The following ARFGEF2 variants were observed in gnomAD, a reference collection of about 807,000 sequenced individuals.
ARFGEF2 encodes ARF guanine nucleotide exchange factor 2, also known as brefeldin A-inhibited guanine nucleotide-exchange protein 2.
ARFGEF2 carries 74 observed loss-of-function variants against 219.9 expected under a neutral mutation model. The observed-to-expected ratio is 0.34, with a 90% confidence interval of 0.28 to 0.41. The LOEUF is 0.41. Ranked by LOEUF, ARFGEF2 falls within the 10% of genes least tolerant of loss-of-function variation. ARFGEF2 has a pLI of 1.00. For missense variants in ARFGEF2, 1,743 were observed against 2,218.3 expected (o/e 0.79, Z 4.30); for synonymous variants, 733 against 799.2 (o/e 0.92, Z 1.40).
chr20:49,001,129 C>A (rs564529398), intron 25 of ARFGEF2, among the ~76,000 whole-genome samples: 77 of 144,954 alleles, frequency 5.3e-4, no homozygotes, highest in Non-Finnish European at 8.2e-4. Flanking sequence ...AGCTTGATCT[C>A]CTCTCATTGC....
At chr20:48,926,796 A>ACTT (rs2090879628) in intron 1 of ARFGEF2, among the ~76,000 whole-genome samples, 1 of 152,188 alleles carries the variant, frequency 6.6e-6, no homozygotes. Context: ...ACAGCAGGCA[A>ACTT]TGGGAGACCA....
intron 21 of ARFGEF2, 94 bp downstream of exon 21, chr20:48,991,292 T>G: frequency 1.3e-6 from 2 of 1,550,548 alleles, no homozygotes; most frequent in Non-Finnish European, 1.8e-6. Context: ...TCTGTTTTTC[T>G]TGAAGTCAAA....
At chr20:48,926,368 T>C (rs1284475770) in intron 1 of ARFGEF2, among the ~76,000 whole-genome samples, 6 of 152,194 alleles carry the variant, frequency 3.9e-5, no homozygotes, top group Non-Finnish European at 8.8e-5. Flanking sequence ...ACATATATAC[T>C]AGGTTTACTT....
chr20:49,010,545 G>A (rs2091491851), intron 27 of ARFGEF2, 141 bp downstream of exon 27: 3 of 947,760 alleles, frequency 3.2e-6, no homozygotes, highest in South Asian at 2.8e-5. Flanking sequence ...CGTGTTGTAA[G>A]CGCTTGATGA....
At chr20:48,998,979 T>G (rs2091408298) in intron 25 of ARFGEF2, among the ~76,000 whole-genome samples, 2 of 152,344 alleles carry the variant, frequency 1.3e-5, no homozygotes, top group South Asian at 4.1e-4. Flanking sequence ...GGCTCACGCC[T>G]GTAATCCCAG....
intron 23 of ARFGEF2, among the ~76,000 whole-genome samples, chr20:48,997,565 G>A (rs920062131): frequency 3.9e-5 from 6 of 152,050 alleles, no homozygotes; most frequent in African/African-American, 7.2e-5. Context: ...GAGCCACTGC[G>A]CCTGGGCTCC....
In ARFGEF2 at chr20:49,017,206, A is replaced by C. The variant is rs774067565; in HGVS notation, c.4316-43A>C. The C allele has an allele frequency of 7.5e-6, 12 of 1,607,618 alleles. No individual in the cohort carries two copies. The Middle Eastern group carries it at 1.3e-3, about 180-fold the overall frequency. The stretch of plus-strand genomic sequence containing the variant: ...TATTTGAGACCTGGTTGGCATCAAA[A>C]TAGCAGTAGAAGTTTAATGATAGAT... On this transcript the variant is annotated intron_variant, in intron 31 of 38. Coordinates refer to ENST00000371917, the MANE Select transcript of ARFGEF2 (RefSeq NM_006420.3).
rs2091636807 is a variant in ARFGEF2 at position 49,031,795 on chromosome 20, A to G, written c.5064-254A>G. Among the ~76,000 whole-genome samples, 3 of 152,104 alleles carry G rather than the reference A, an allele frequency of 2.0e-5. No homozygotes were observed. The South Asian group carries it at 6.2e-4, about 32-fold the overall frequency. ...GCCAGGCATGGTGGCGCAAGCATGTAGTGTTAGCTGCTTCAGAGGCAGAGG... is the reference window on the plus strand; with the variant it reads ...GCCAGGCATGGTGGCGCAAGCATGTGGTGTTAGCTGCTTCAGAGGCAGAGG... On this transcript the variant is annotated intron_variant, in intron 37 of 38. Transcript: ENST00000371917.
chr20:49,020,262 A>C (rs1479243523), intron 34 of ARFGEF2, among the ~76,000 whole-genome samples: 1 of 152,182 alleles, frequency 6.6e-6, no homozygotes, highest in Non-Finnish European at 1.5e-5. Flanking sequence ...TTAACATTGA[A>C]GTTAACTTCT....
chr20:48,971,063 A>G, intron 9 of ARFGEF2, 57 bp from the exon 10 acceptor site: 1 of 1,443,450 alleles, frequency 6.9e-7, no homozygotes, highest in Non-Finnish European at 9.8e-7. Flanking sequence ...CTCAAGAAAC[A>G]TACTGTTTGA....
At chr20:48,985,132 G>A (rs542036159) in intron 15 of ARFGEF2, among the ~76,000 whole-genome samples, 3 of 151,806 alleles carry the variant, frequency 2.0e-5, no homozygotes, top group East Asian at 2.0e-4. Flanking sequence ...AGTTCTTACG[G>A]CTGCCTGTCT....
chr20:48,990,842 C>T (rs2091353488), intron 20 of ARFGEF2, among the ~76,000 whole-genome samples, 198 bp from the exon 21 acceptor site: 1 of 152,182 alleles, frequency 6.6e-6, no homozygotes, highest in Admixed American at 6.5e-5. Context: ...AAACATGTGG[C>T]AGTGCATAGA....
chr20:48,944,963 G>A lies in ARFGEF2; in HGVS notation c.276+2976G>A, dbSNP rs530165594. Among the ~76,000 whole-genome samples the A allele has an allele frequency of 4.6e-5, 7 of 152,272 alleles. No homozygotes were observed. The East Asian group carries it at 9.6e-4, about 21-fold the overall frequency. On this transcript the variant is annotated intron_variant, in intron 3 of 38. Coordinates refer to ENST00000371917, the MANE Select transcript of ARFGEF2 (RefSeq NM_006420.3). ...CAACAACAGGCATTTATTTCTTACA[G>A]TTTTGAAAGCTAGGCAGTATAAGAT...
chr20:48,994,080 G>A (rs1375018271), intron 21 of ARFGEF2, among the ~76,000 whole-genome samples: 2 of 152,202 alleles, frequency 1.3e-5, no homozygotes, highest in Admixed American at 1.3e-4. Flanking sequence ...GAAGGAGTGA[G>A]CCATGGGGAG....
At position 49,035,649 on chromosome 20, in the gene ARFGEF2, TA is replaced by T. The variant is rs2123598615; in HGVS notation, c.*2452del. On this transcript the variant is annotated 3_prime_UTR_variant, in exon 39 of 39. Transcript: ENST00000371917. The stretch of plus-strand genomic sequence containing the variant: ...CCAGGACACCATTTATTTAACCAAG[TA>T]ATGGAGGAGAGTGAAACATTTTCCA... 1 of 152,386 alleles carries T rather than the reference TA, an allele frequency of 6.6e-6. No individual in the cohort carries two copies. Among genetic ancestry groups the T allele is most frequent in the East Asian group, 1.9e-4 (1 of 5,196 alleles). 9.4% of individuals were successfully genotyped at this position (152,386 alleles called of 1,614,324 possible). A position where few individuals can be genotyped will look rare whatever the true frequency, so the allele number is the denominator to read the frequency against.
At position 48,935,943 on chromosome 20, in the gene ARFGEF2, G is replaced by T. The variant is rs181988825; in HGVS notation, c.122-5256G>T. 2.0e-4 allele frequency among the ~76,000 whole-genome samples: 26 copies of T among 131,364 alleles called. 2 individuals are homozygous for T. The East Asian group carries it at 2.3e-3, about 12-fold the overall frequency. 86.2% of individuals were successfully genotyped at this position (131,364 alleles called of 152,430 possible). A position where few individuals can be genotyped will look rare whatever the true frequency, so the allele number is the denominator to read the frequency against. On this transcript the variant is annotated intron_variant, in intron 1 of 38. Coordinates refer to ENST00000371917, the MANE Select transcript of ARFGEF2 (RefSeq NM_006420.3). ...CCCGCATGGGGCGGCTGGCCGGGGG[G>T]GGGGGCTGACCCCCCTACCTCCCTC... is the stretch of plus-strand genomic sequence containing the variant.
At chr20:49,013,159 C>T (rs556894788) in intron 28 of ARFGEF2, among the ~76,000 whole-genome samples, 1 of 152,274 alleles carries the variant, frequency 6.6e-6, no homozygotes, top group South Asian at 2.1e-4. Flanking sequence ...TGGCCCATAG[C>T]AAGCACTCAG....
At chr20:49,028,069 C>A (rs917760569) in intron 36 of ARFGEF2, among the ~76,000 whole-genome samples, 1 of 152,106 alleles carries the variant, frequency 6.6e-6, no homozygotes, top group African/African-American at 2.4e-5. Context: ...ACCAGCCTGA[C>A]CAACATGGAG....
chr20:48,955,557 C>T (rs911444462), intron 6 of ARFGEF2, among the ~76,000 whole-genome samples: 7 of 152,294 alleles, frequency 4.6e-5, no homozygotes, highest in Admixed American at 2.0e-4. Context: ...GGGGAAAAAA[C>T]GTTATTGCTA....
Sources: allele counts gnomAD v4.1 joint callset (sites outside exome capture counted in the v4.1 genomes callset), GRCh38; gene constraint gnomAD v4.1.1; transcripts MANE v1.5; gene names NCBI Gene and HGNC (gene_info 2026-07-23, HGNC 2026-07-21).